Variants in MCOLN2 observed in about 807,000 individuals in gnomAD.
The protein encoded by MCOLN2 is mucolipin-2.
Under a neutral mutation model 67.5 loss-of-function variants are expected in MCOLN2, and 57 were observed. The ratio of observed to expected loss-of-function variants is 0.84; its 90% CI spans 0.68 to 1.05. The LOEUF (loss-of-function observed/expected upper bound fraction) is 1.05, where lower values mean the gene tolerates loss of function less well. Among genes scored for constraint, MCOLN2 ranks in the 50% least tolerant of loss-of-function variants. The pLI is 0.00. For synonymous variants in MCOLN2, 246 were observed against 233.3 expected (o/e 1.05, Z -0.50); for missense variants, 620 against 678.8 (o/e 0.91, Z 0.96).
intron 1 of MCOLN2, among the ~76,000 whole-genome samples, chr1:84,972,218 A>G (rs895387547): frequency 6.6e-6 from 1 of 152,210 alleles, no homozygotes; most frequent in Non-Finnish European, 1.5e-5. Flanking sequence ...AAAACCACTT[A>G]AGGAACAGAA....
chr1:84,931,048 C>T (rs1298925889), intron 12 of MCOLN2, among the ~76,000 whole-genome samples: 2 of 152,102 alleles, frequency 1.3e-5, no homozygotes, highest in Admixed American at 6.6e-5. Context: ...TGACTCAATC[C>T]TAAGTTCCAG....
chr1:84,941,437 C>G (rs1647777438), intron 7 of MCOLN2, among the ~76,000 whole-genome samples: 1 of 152,200 alleles, frequency 6.6e-6, no homozygotes, highest in Non-Finnish European at 1.5e-5. Flanking sequence ...GCAGAGTTTG[C>G]AGTGAGCCGA....
intron 2 of MCOLN2, among the ~76,000 whole-genome samples, chr1:84,959,090 A>T (rs774913943): frequency 1.3e-5 from 2 of 152,220 alleles, no homozygotes; most frequent in African/African-American, 2.4e-5. Flanking sequence ...AAGATTTAGA[A>T]ATTGTAGTAT....
intron 11 of MCOLN2, among the ~76,000 whole-genome samples, chr1:84,936,855 G>A (rs1170846519): frequency 6.6e-6 from 1 of 152,172 alleles, no homozygotes; most frequent in South Asian, 2.1e-4. Context: ...AAACTTGGAA[G>A]GAATACTTAC....
chr1:84,930,877 C>G (rs1661372086), intron 12 of MCOLN2, among the ~76,000 whole-genome samples: 2 of 152,170 alleles, frequency 1.3e-5, no homozygotes, highest in African/African-American at 4.8e-5. Flanking sequence ...CAGAACCCAT[C>G]AGGTAGCTTA....
rs1570954889 is a variant in MCOLN2, at chr1:84,938,152, C to T, written c.1111-70G>A. On this transcript the variant is annotated intron_variant, in intron 9 of 13. Coordinates refer to ENST00000370608, the MANE Select transcript of MCOLN2 (RefSeq NM_153259.4). ...GACTCCACTTAGCTTATTAGCCTTA[C>T]ATTAAACCAATTAATAAAAAAAGAA... 24 of 1,052,286 alleles carry T rather than the reference C, an allele frequency of 2.3e-5. No homozygotes were observed. In the South Asian group the frequency reaches 3.5e-4, roughly 15 times the overall value. 65.2% of individuals were successfully genotyped at this position (1,052,286 alleles called of 1,614,324 possible). A position where few individuals can be genotyped will look rare whatever the true frequency, so the allele number is the denominator to read the frequency against.
At chr1:84,944,725 G>A (rs1041186089) in intron 7 of MCOLN2, among the ~76,000 whole-genome samples, 1 of 152,148 alleles carries the variant, frequency 6.6e-6, no homozygotes, top group Non-Finnish European at 1.5e-5. Context: ...CATGAGGTTT[G>A]TATGTGAAAA....
intron 1 of MCOLN2, among the ~76,000 whole-genome samples, chr1:84,990,417 T>C (rs1326701005): frequency 6.6e-6 from 1 of 150,908 alleles, no homozygotes; most frequent in Non-Finnish European, 1.5e-5. Flanking sequence ...TGTGCACATG[T>C]ACCCTAAAAC....
intron 7 of MCOLN2, among the ~76,000 whole-genome samples, chr1:84,944,657 C>T (rs149107798): frequency 6.1e-4 from 93 of 152,222 alleles, no homozygotes; most frequent in African/African-American, 1.6e-3. Flanking sequence ...TTTATGAAAC[C>T]AAGTTAAATG....
chr1:84,978,319 T>C (rs1650091261), intron 1 of MCOLN2, among the ~76,000 whole-genome samples: 2 of 151,746 alleles, frequency 1.3e-5, no homozygotes, highest in Admixed American at 1.3e-4. Flanking sequence ...TAATGATACA[T>C]CTTATAGAAC....
chr1:84,969,857 G>A (rs1197845785), intron 1 of MCOLN2, among the ~76,000 whole-genome samples: 4 of 152,176 alleles, frequency 2.6e-5, no homozygotes, highest in African/African-American at 4.8e-5. Flanking sequence ...TAAATATTAC[G>A]GAAGCAGAGT....
rs372048590 is a variant in MCOLN2 at position 84,958,541 on chromosome 1, A to G, written c.399T>C (p.Phe133=). The part of the protein sequence containing the change: ...TQEDAYESIF[F]AINQYHQLKD... ...ACAAAACACTTGCCTGATTAATAGC[A>G]AAAAAGATGCTCTCATAGGCATCCT... is the stretch of plus-strand genomic sequence containing the variant. The change falls in exon 3 of 14, where the codon TTT becomes TTC. Residue 133 remains phenylalanine (F), a synonymous_variant. Transcript: ENST00000370608. The G allele has an allele frequency of 5.6e-6, 9 of 1,601,234 alleles. No homozygotes were observed. In the African/African-American group the frequency reaches 1.1e-4, roughly 19 times the overall value.
chr1:84,995,468 A>T (rs1259938048), intron 1 of MCOLN2, among the ~76,000 whole-genome samples: 10 of 152,242 alleles, frequency 6.6e-5, no homozygotes. Context: ...TTAATTCTTC[A>T]GAACTGACAC....
chr1:84,937,105 G>T (rs1230133941), intron 11 of MCOLN2, among the ~76,000 whole-genome samples: 1 of 152,122 alleles, frequency 6.6e-6, no homozygotes, highest in Non-Finnish European at 1.5e-5. Flanking sequence ...TAAAACCAAG[G>T]CTTACCTAGT....
rs1649867570 is a variant in MCOLN2 at position 84,973,954 on chromosome 1, C to T, written c.78-8246G>A. Among the ~76,000 whole-genome samples, 3 of 152,222 alleles carry T rather than the reference C, an allele frequency of 2.0e-5. No homozygotes were observed. The South Asian group carries it at 6.2e-4, about 32-fold the overall frequency. ...ACCCTTCCCCCAGCCCCAGCAGTGG[C>T]CACCTGGTGCGCAGAGTGCCTCTGC... On this transcript the variant is annotated intron_variant, in intron 1 of 13. Transcript: ENST00000370608.
intron 1 of MCOLN2, among the ~76,000 whole-genome samples, chr1:84,979,458 T>G (rs1327642466): frequency 6.6e-6 from 1 of 152,104 alleles, no homozygotes; most frequent in East Asian, 1.9e-4. Context: ...CAACAACACA[T>G]TAGAAAGATC....
intron 7 of MCOLN2, among the ~76,000 whole-genome samples, chr1:84,942,211 T>G (rs1647827430): frequency 6.6e-6 from 1 of 152,234 alleles, no homozygotes; most frequent in Admixed American, 6.5e-5. Flanking sequence ...TTCATGGTTC[T>G]TGGTTACTAC....
intron 12 of MCOLN2, among the ~76,000 whole-genome samples, chr1:84,930,763 G>A (rs1217908712): frequency 6.6e-6 from 1 of 152,120 alleles, no homozygotes; most frequent in Non-Finnish European, 1.5e-5. Flanking sequence ...CCTGAAGCAG[G>A]GTTTTCTAAG....
intron 1 of MCOLN2, among the ~76,000 whole-genome samples, chr1:84,980,015 A>G (rs1214496988): frequency 6.6e-6 from 1 of 152,218 alleles, no homozygotes; most frequent in Non-Finnish European, 1.5e-5. Context: ...AATCAGTAGC[A>G]TTTCTATGTG....
Sources: gnomAD v4.1 joint callset for allele counts (sites outside exome capture counted in the v4.1 genomes callset) on GRCh38, gnomAD v4.1.1 for gene constraint, MANE v1.5 for transcripts, NCBI Gene and HGNC (gene_info 2026-07-23, HGNC 2026-07-21) for gene names.